Variants in CHORDC1 observed in about 807,000 individuals in gnomAD.
CHORDC1 encodes the protein cysteine and histidine rich domain containing 1.
Under a neutral mutation model 48.3 loss-of-function variants are expected in CHORDC1, and 25 were observed. That is an observed-to-expected ratio of 0.52 (90% CI 0.38 to 0.72). The LOEUF (loss-of-function observed/expected upper bound fraction) is 0.72. CHORDC1 is among the 30% of genes least tolerant of loss of function. The pLI is 0.00. For synonymous variants in CHORDC1, 128 were observed against 126.4 expected, an observed-to-expected ratio of 1.01 and a Z score of -0.09; for missense variants, 317 against 388.7, an observed-to-expected ratio of 0.82 and a Z score of 1.55.
At chr11:90,216,152 A>G (rs1858006631) in intron 2 of CHORDC1, among the ~76,000 whole-genome samples, 1 of 152,132 alleles carries the variant, frequency 6.6e-6, no homozygotes. Context: ...GGGTTTAAAT[A>G]GCATCAATAA....
rs34095734 is a variant in CHORDC1, at chr11:90,200,646, ATGTG to A, written c.*1755_*1758del. ...GACTAAATATAAAAGCTACATATGT[ATGTG>A]TGTGTGTGTGTGTATAAATCAATGT... On this transcript the variant is annotated 3_prime_UTR_variant, in exon 11 of 11. Transcript: ENST00000320585. Among the ~76,000 whole-genome samples the A allele has an allele frequency of 3.3e-5, 5 of 150,572 alleles. No individual in the cohort carries two copies. The highest frequency in any genetic ancestry group is 9.7e-5 in the African/African-American group (4 of 41,100).
rs1452706757 is a variant in CHORDC1, at chr11:90,216,599, C to T, written c.115-1369G>A. ...ATAGAGACCACAATAAACACTACAA[C>T]TGCAAAAGAGAGAGAAGCAAAAATA... On this transcript the variant is annotated intron_variant, in intron 2 of 10. Transcript: ENST00000320585. The T allele has an allele frequency of 7.1e-6, 3 of 419,910 alleles. No individual in the cohort carries two copies. In the Admixed American group the frequency reaches 9.0e-5, roughly 13 times the overall value. The allele number at this position is 419,910 out of a possible 1,614,324, so 26.0% of individuals were successfully genotyped here.
At chr11:90,205,113 C>T (rs1857642817) in intron 8 of CHORDC1, among the ~76,000 whole-genome samples, 1 of 151,846 alleles carries the variant, frequency 6.6e-6, no homozygotes, top group African/African-American at 2.4e-5. Flanking sequence ...AAACGTTTAA[C>T]GTCATCAAAT....
At chr11:90,208,192 G>T (rs943107864) in intron 6 of CHORDC1, 5 of 152,220 alleles carry the variant, frequency 3.3e-5, no homozygotes, top group African/African-American at 1.2e-4. Context: ...AGCACTTTGG[G>T]AGGCCGAGGC....
At chr11:90,207,135 C>T (rs1857718564) in intron 6 of CHORDC1, 1 of 202,428 alleles carries the variant, frequency 4.9e-6, no homozygotes, top group Non-Finnish European at 1.0e-5. Context: ...TCCTCTCCCT[C>T]CACCCATAGG....
At chr11:90,222,813 C>G (rs769887027) in intron 1 of CHORDC1, 78 bp downstream of exon 1, 5 of 1,323,564 alleles carry the variant, frequency 3.8e-6, no homozygotes, top group Non-Finnish European at 4.3e-6. Flanking sequence ...AGGAGATCCG[C>G]GGACACCCTC....
intron 1 of CHORDC1, 169 bp downstream of exon 1, chr11:90,222,722 G>A (rs1366000381): frequency 4.1e-6 from 3 of 724,734 alleles, no homozygotes; most frequent in Non-Finnish European, 7.5e-6. Context: ...CGGCGCAACA[G>A]AGGGGCGGCC....
At position 90,215,511 on chromosome 11, in the gene CHORDC1, G is replaced by A. The variant is rs546054010; in HGVS notation, c.115-281C>T. On this transcript the variant is annotated intron_variant, in intron 2 of 10. Transcript: ENST00000320585. ...AACTGTTTCTCTTTTCAACAATCGT[G>A]TCTGCTTTTTTTTTAGAAGAAAAAC... 1.1e-4 allele frequency among the ~76,000 whole-genome samples: 17 copies of A among 151,740 alleles called. No individual in the cohort carries two copies. In the East Asian group the frequency reaches 3.3e-3, roughly 29 times the overall value.
chr11:90,215,851 G>A (rs944572944), intron 2 of CHORDC1, among the ~76,000 whole-genome samples: 5 of 151,936 alleles, frequency 3.3e-5, no homozygotes, highest in Non-Finnish European at 5.9e-5. Flanking sequence ...AATGTTTATA[G>A]AGCATAGGGA....
At position 90,214,013 on chromosome 11, in the gene CHORDC1, T is replaced by TTAC; in HGVS notation, c.329+4_329+5insGTA. On this transcript the variant is annotated splice_donor_region_variant and intron_variant, in intron 4 of 10. Transcript: ENST00000320585. ...GACAAAAATATGTAACTGTATAAAG[T>TTAC]ATACCTTGGTCTTTTTATTGCTTCT... 6.2e-7 allele frequency: 1 copy of TTAC among 1,608,384 alleles called. No individual in the cohort carries two copies. The highest frequency in any genetic ancestry group is 8.5e-7 in the Non-Finnish European group (1 of 1,177,274).
intron 4 of CHORDC1, chr11:90,213,486 T>C: frequency 1.5e-6 from 1 of 664,700 alleles, no homozygotes; most frequent in Non-Finnish European, 2.7e-6. Flanking sequence ...AGAAGGCAAG[T>C]ATGAAGAATC....
intron 5 of CHORDC1, chr11:90,210,929 C>G (rs1303215963): frequency 3.3e-6 from 1 of 301,618 alleles, no homozygotes. Flanking sequence ...TACAAGAAAA[C>G]ATTTTAAAAT....
chr11:90,219,563 G>A (rs1388716432), intron 1 of CHORDC1, among the ~76,000 whole-genome samples: 6 of 152,194 alleles, frequency 3.9e-5, no homozygotes, highest in Admixed American at 2.0e-4. Context: ...CACCCAGGGC[G>A]GAAAAACACT....
chr11:90,213,470 G>C (rs1312127212), intron 4 of CHORDC1: 2 of 670,870 alleles, frequency 3.0e-6, no homozygotes, highest in African/African-American at 1.8e-5. Context: ...ACAGAGTCTG[G>C]TTATCAGAAG....
Position 90,215,040 on chromosome 11 carries a change from G to A in CHORDC1, c.171+134C>T, listed in dbSNP as rs1260285083. 5 of 462,610 alleles carry A rather than the reference G, an allele frequency of 1.1e-5. No homozygotes were observed. In the East Asian group the frequency reaches 1.7e-4, roughly 16 times the overall value. The allele number at this position is 462,610 out of a possible 1,614,324, so 28.7% of individuals were successfully genotyped here. A position where few individuals can be genotyped will look rare whatever the true frequency, so the allele number is the denominator to read the frequency against. On this transcript the variant is annotated intron_variant, in intron 3 of 10. Coordinates refer to ENST00000320585, the MANE Select transcript of CHORDC1 (RefSeq NM_012124.3). ...ACAAGCTGTGGAAGGGAGATGAGCT[G>A]CTTTTTGAAAGGTGTTATCTGCAAG...
At chr11:90,207,109 G>A (rs1458685035) in intron 6 of CHORDC1, 2 of 209,162 alleles carry the variant, frequency 9.6e-6, no homozygotes, top group Non-Finnish European at 2.0e-5. Flanking sequence ...AAATCCATTC[G>A]TTCCTCTTCA....
At chr11:90,213,233 C>G in intron 4 of CHORDC1, 1 of 532,750 alleles carries the variant, frequency 1.9e-6, no homozygotes, top group Non-Finnish European at 3.3e-6. Context: ...CTATATTATT[C>G]AATACTCTAT....
intron 7 of CHORDC1, 88 bp downstream of exon 7, chr11:90,206,114 A>G (rs1857674628): frequency 1.2e-6 from 1 of 827,464 alleles, no homozygotes; most frequent in African/African-American, 1.7e-5. Context: ...GCCTAATAAC[A>G]CTGCATGGCA....
At chr11:90,221,705 T>C (rs1858176385) in intron 1 of CHORDC1, among the ~76,000 whole-genome samples, 1 of 152,242 alleles carries the variant, frequency 6.6e-6, no homozygotes, top group African/African-American at 2.4e-5. Context: ...GCATCATATT[T>C]GCATCATAAA....
Sources: gnomAD v4.1 joint callset for allele counts (sites outside exome capture counted in the v4.1 genomes callset) on GRCh38, gnomAD v4.1.1 for gene constraint, MANE v1.5 for transcripts, NCBI Gene and HGNC (gene_info 2026-07-23, HGNC 2026-07-21) for gene names.